MDGA2: variants seen among roughly 807,000 people sequenced by gnomAD.
MDGA2 encodes the protein MAM domain containing glycosylphosphatidylinositol anchor 2, also known as MAM domain-containing glycosylphosphatidylinositol anchor protein 2.
MDGA2 carries 40 observed loss-of-function variants against 117.8 expected under a neutral mutation model. The ratio of observed to expected loss-of-function variants is 0.34; its 90% CI spans 0.26 to 0.44. The LOEUF (loss-of-function observed/expected upper bound fraction) is 0.44. Among genes scored for constraint, MDGA2 ranks in the 20% least tolerant of loss-of-function variants. MDGA2 has a pLI of 1.00. For missense variants in MDGA2, 1,123 were observed against 1,250.6 expected, an observed-to-expected ratio of 0.90 and a Z score of 1.54; for synonymous variants, 452 against 439.0, an observed-to-expected ratio of 1.03 and a Z score of -0.37.
intron 1 of MDGA2, among the ~76,000 whole-genome samples, chr14:47,603,636 T>C (rs1342437383): frequency 6.6e-6 from 1 of 151,982 alleles, no homozygotes; most frequent in Non-Finnish European, 1.5e-5. Flanking sequence ...TCTCTCTCTG[T>C]TTCTCTTGTT....
intron 6 of MDGA2, among the ~76,000 whole-genome samples, chr14:47,078,133 C>T (rs185712899): frequency 9.2e-5 from 14 of 152,162 alleles, no homozygotes; most frequent in South Asian, 2.1e-4. Context: ...AAAAGGTAAA[C>T]ATCAGACCAC....
At chr14:47,248,997 A>T (rs1478108739) in intron 2 of MDGA2, among the ~76,000 whole-genome samples, 9 of 71,692 alleles carry the variant, frequency 1.3e-4, no homozygotes, top group Admixed American at 4.3e-4. Flanking sequence ...TCTTTCTTTC[A>T]TTCTTTCTTT....
chr14:47,488,225 G>A (rs1363101669), intron 1 of MDGA2, among the ~76,000 whole-genome samples: 2 of 152,074 alleles, frequency 1.3e-5, no homozygotes, highest in African/African-American at 4.8e-5. Context: ...GATGTACTTA[G>A]GCTAGAGAAC....
intron 1 of MDGA2, among the ~76,000 whole-genome samples, chr14:47,516,374 C>T (rs1894751111): frequency 6.6e-6 from 1 of 152,134 alleles, no homozygotes; most frequent in Non-Finnish European, 1.5e-5. Context: ...TCACCAGTAG[C>T]CCCCAGATAT....
chr14:46,964,892 G>T lies in MDGA2; in HGVS notation c.1820-7249C>A, dbSNP rs181981105. Among the ~76,000 whole-genome samples the T allele has an allele frequency of 7.4e-5, 11 of 148,698 alleles. 1 individual carries two copies. The East Asian group carries it at 2.2e-3, about 29-fold the overall frequency. On this transcript the variant is annotated intron_variant, in intron 8 of 16. Coordinates refer to ENST00000399232, the MANE Select transcript of MDGA2 (RefSeq NM_001113498.3). ...GTCAGTGTAATTCATTATACCTAAT[G>T]GGAAAATATCCCCAAATATATATTT...
At chr14:47,162,803 T>C (rs147130250) in intron 3 of MDGA2, among the ~76,000 whole-genome samples, 100 of 152,166 alleles carry the variant, frequency 6.6e-4, no homozygotes, top group African/African-American at 2.3e-3. Context: ...GCACTTCCTG[T>C]CCTAGGCCAC....
chr14:47,450,500 T>C (rs1159545762), intron 1 of MDGA2, among the ~76,000 whole-genome samples: 1 of 152,056 alleles, frequency 6.6e-6, no homozygotes, highest in Non-Finnish European at 1.5e-5. Context: ...ATTAAAGATA[T>C]TGAAGAGATT....
chr14:47,077,820 G>A (rs968871868), intron 6 of MDGA2, among the ~76,000 whole-genome samples: 1 of 151,754 alleles, frequency 6.6e-6, no homozygotes, highest in Non-Finnish European at 1.5e-5. Context: ...ATTATAAAAC[G>A]GACAGTTCTT....
At chr14:47,504,852 A>G (rs1894478343) in intron 1 of MDGA2, among the ~76,000 whole-genome samples, 1 of 152,180 alleles carries the variant, frequency 6.6e-6, no homozygotes, top group South Asian at 2.1e-4. Flanking sequence ...GGCTACACAT[A>G]CAAAGTAAAT....
At chr14:47,088,918 G>A (rs1386347242) in intron 6 of MDGA2, among the ~76,000 whole-genome samples, 1 of 152,098 alleles carries the variant, frequency 6.6e-6, no homozygotes, top group East Asian at 1.9e-4. Flanking sequence ...ATCATAAACT[G>A]TAAACACTAT....
chr14:47,674,887 C>T lies in MDGA2; in HGVS notation c.-91G>A. The T allele has an allele frequency of 1.8e-6, 1 of 544,646 alleles. No homozygotes were observed. The allele number at this position is 544,646 out of a possible 1,614,324, so 33.7% of individuals were successfully genotyped here. A position where few individuals can be genotyped will look rare whatever the true frequency, so the allele number is the denominator to read the frequency against. ...CGCACGCCGCACTCACACCGGGTGC[C>T]TGGGAAAATCGCAGACGCCGGGGAG... On this transcript the variant is annotated 5_prime_UTR_variant, in exon 1 of 17. Transcript: ENST00000399232.
intron 2 of MDGA2, among the ~76,000 whole-genome samples, chr14:47,298,370 G>C (rs10483578): frequency 0.092 from 13,935 of 152,098 alleles, 783 homozygotes; most frequent in Non-Finnish European, 0.11. Context: ...AAAAAATGCT[G>C]TTTACAATAC....
chr14:47,622,799 T>G (rs1196847759), intron 1 of MDGA2, among the ~76,000 whole-genome samples: 1 of 152,144 alleles, frequency 6.6e-6, no homozygotes, highest in Admixed American at 6.6e-5. Context: ...CTAGGATTGG[T>G]CATAGTCATG....
At chr14:47,409,139 T>C (rs1195490699) in intron 1 of MDGA2, among the ~76,000 whole-genome samples, 1 of 152,130 alleles carries the variant, frequency 6.6e-6, no homozygotes, top group Admixed American at 6.5e-5. Context: ...GGGAAGACAC[T>C]GGAAGATGTA....
At chr14:47,288,776 T>C (rs1200151302) in intron 2 of MDGA2, among the ~76,000 whole-genome samples, 2 of 152,116 alleles carry the variant, frequency 1.3e-5, no homozygotes, top group East Asian at 3.8e-4. Flanking sequence ...AAGAATTGAT[T>C]GAATCATTCT....
chr14:47,072,130 T>G (rs1890314015), intron 6 of MDGA2, among the ~76,000 whole-genome samples: 1 of 147,056 alleles, frequency 6.8e-6, no homozygotes, highest in East Asian at 2.0e-4. Flanking sequence ...AGGTATTATA[T>G]GTTGCAGGTA....
chr14:46,921,854 G>A (rs903746507), intron 9 of MDGA2, among the ~76,000 whole-genome samples: 1 of 152,092 alleles, frequency 6.6e-6, no homozygotes, highest in East Asian at 1.9e-4. Flanking sequence ...CTGCTTAGAT[G>A]AGTAACATAA....
intron 5 of MDGA2, among the ~76,000 whole-genome samples, chr14:47,115,175 C>T (rs1309271051): frequency 6.6e-6 from 1 of 152,030 alleles, no homozygotes; most frequent in African/African-American, 2.4e-5. Flanking sequence ...AGCATTACAA[C>T]TGTCAATTAC....
chr14:47,577,641 T>G (rs1896140248), intron 1 of MDGA2, among the ~76,000 whole-genome samples: 7 of 152,146 alleles, frequency 4.6e-5, no homozygotes, highest in Admixed American at 2.6e-4. Flanking sequence ...GAACAGATAC[T>G]TCTCAAAAGA....
Sources: gnomAD v4.1 joint callset for allele counts (sites outside exome capture counted in the v4.1 genomes callset) on GRCh38, gnomAD v4.1.1 for gene constraint, MANE v1.5 for transcripts, NCBI Gene and HGNC (gene_info 2026-07-23, HGNC 2026-07-21) for gene names.